LARGE1: variants seen among roughly 807,000 people sequenced by gnomAD.
LARGE1 encodes the protein LARGE xylosyl- and glucuronyltransferase 1, also known as xylosyl- and glucuronyltransferase LARGE1.
In LARGE1, 43 loss-of-function variants were observed where a neutral mutation model predicts 87.6. That is an observed-to-expected ratio of 0.49 (90% CI 0.38 to 0.63). The LOEUF (loss-of-function observed/expected upper bound fraction) is 0.63, where lower values mean the gene tolerates loss of function less well. Ranked by LOEUF, LARGE1 falls within the 30% of genes least tolerant of loss-of-function variation. LARGE1 has a pLI of 0.00. For synonymous variants in LARGE1, 434 were observed against 394.6 expected (o/e 1.10, Z -1.18); for missense variants, 802 against 1,000.2 (o/e 0.80, Z 2.67).
intron 1 of LARGE1, among the ~76,000 whole-genome samples, chr22:33,814,245 C>T (rs2086584601): frequency 6.6e-6 from 1 of 152,194 alleles, no homozygotes; most frequent in South Asian, 2.1e-4. Flanking sequence ...GACCTCGCCC[C>T]TGAAAATCTA....
intron 1 of LARGE1, among the ~76,000 whole-genome samples, chr22:33,782,610 C>T (rs1191480032): frequency 6.6e-6 from 1 of 151,930 alleles, no homozygotes; most frequent in Non-Finnish European, 1.5e-5. Flanking sequence ...CTCATGCATG[C>T]AATCCCAGCA....
At chr22:33,741,856 G>A (rs1416420572) in intron 2 of LARGE1, among the ~76,000 whole-genome samples, 1 of 152,136 alleles carries the variant, frequency 6.6e-6, no homozygotes, top group East Asian at 1.9e-4. Context: ...AACGTGAGTG[G>A]GTTCCATGCC....
intron 9 of LARGE1, among the ~76,000 whole-genome samples, chr22:33,373,169 C>G (rs11089623): frequency 0.41 from 62,375 of 151,938 alleles, 16,289 homozygotes; most frequent in African/African-American, 0.74. Flanking sequence ...AATTAGAAGG[C>G]AATTATTTAT....
At chr22:33,417,846 C>A (rs1181176210) in intron 7 of LARGE1, among the ~76,000 whole-genome samples, 1 of 152,216 alleles carries the variant, frequency 6.6e-6, no homozygotes, top group African/African-American at 2.4e-5. Context: ...CCTATTGTTT[C>A]CTCCATTTCA....
intron 5 of LARGE1, among the ~76,000 whole-genome samples, chr22:33,570,685 C>T (rs2078172027): frequency 6.8e-6 from 1 of 147,342 alleles, no homozygotes. Context: ...AAGCTGAAAT[C>T]TGGAAAATGC....
chr22:33,222,864 C>T (rs1236553213), intron 11 of LARGE1, among the ~76,000 whole-genome samples: 1 of 152,118 alleles, frequency 6.6e-6, no homozygotes, highest in Non-Finnish European at 1.5e-5. Context: ...AGAGGGGCCT[C>T]CATTTGAGTA....
At position 33,603,782 on chromosome 22, in the gene LARGE1, C is replaced by T. The variant is rs5999029; in HGVS notation, c.615+653G>A. Among the ~76,000 whole-genome samples the T allele has an allele frequency of 4.4e-3, 668 of 152,264 alleles. 7 individuals are homozygous for T. The highest frequency in any genetic ancestry group is 0.015 in the African/African-American group (624 of 41,560). On this transcript the variant is annotated intron_variant, in intron 5 of 14. Transcript: ENST00000397394. Reference sequence around the variant, plus strand: ...GCCAGAATATACAGGACTTCTTAATCGGGCTGTGGGTCTCAACACGATGCA... The same window carrying T: ...GCCAGAATATACAGGACTTCTTAATTGGGCTGTGGGTCTCAACACGATGCA...
chr22:33,242,784 G>A (rs1191471184), intron 11 of LARGE1, among the ~76,000 whole-genome samples: 1 of 152,138 alleles, frequency 6.6e-6, no homozygotes, highest in Non-Finnish European at 1.5e-5. Context: ...CACAGTTCTG[G>A]AGCCTCGAAG....
chr22:33,297,589 G>T (rs1223406976), intron 12 of LARGE1, among the ~76,000 whole-genome samples: 1 of 150,108 alleles, frequency 6.7e-6, no homozygotes, highest in African/African-American at 2.5e-5. Flanking sequence ...CTCCAGCCTG[G>T]GCGGCATAAG....
At chr22:33,590,701 A>T (rs900426498) in intron 5 of LARGE1, among the ~76,000 whole-genome samples, 3 of 152,188 alleles carry the variant, frequency 2.0e-5, no homozygotes, top group Non-Finnish European at 4.4e-5. Flanking sequence ...GCATTGCTGT[A>T]TGTGCCGTCA....
intron 1 of LARGE1, among the ~76,000 whole-genome samples, chr22:33,900,762 G>C (rs545102327): frequency 6.6e-6 from 1 of 152,282 alleles, no homozygotes; most frequent in South Asian, 2.1e-4. Context: ...AAAAGGGGAA[G>C]CTGGCTGGGC....
intron 3 of LARGE1, among the ~76,000 whole-genome samples, chr22:33,630,208 A>C (rs12159965): frequency 4.3e-4 from 65 of 151,912 alleles, no homozygotes; most frequent in African/African-American, 1.2e-3. Context: ...TCAAAAAAAA[A>C]CCCCAAAAAA....
intron 11 of LARGE1, among the ~76,000 whole-genome samples, chr22:33,267,123 C>G (rs1927994016): frequency 6.6e-6 from 1 of 151,578 alleles, no homozygotes; most frequent in Non-Finnish European, 1.5e-5. Flanking sequence ...GCCTGTAATC[C>G]CAGCTACTCA....
exon 12 of LARGE1, chr22:33,162,532 T>C (rs1020515006): frequency 1.3e-5 from 2 of 152,192 alleles, no homozygotes; most frequent in African/African-American, 4.8e-5. Context: ...AGCCAAACTA[T>C]ATCATCTTCC....
chr22:33,594,127 T>C (rs2078916543), intron 5 of LARGE1, among the ~76,000 whole-genome samples: 1 of 152,216 alleles, frequency 6.6e-6, no homozygotes, highest in Non-Finnish European at 1.5e-5. Flanking sequence ...TCAAATAATT[T>C]TCTAGGGTGT....
At chr22:33,618,490 AC>A (rs1445385186) in intron 4 of LARGE1, among the ~76,000 whole-genome samples, 1 of 152,232 alleles carries the variant, frequency 6.6e-6, no homozygotes. Context: ...GTGAAGCTTA[AC>A]ATCTGCACTA....
intron 6 of LARGE1, among the ~76,000 whole-genome samples, chr22:33,494,571 A>G (rs2070011473): frequency 6.6e-6 from 1 of 152,094 alleles, no homozygotes. Flanking sequence ...ATTCCTCACA[A>G]ATCTGTATAT....
chr22:33,535,344 G>T (rs762776835), intron 6 of LARGE1, among the ~76,000 whole-genome samples: 5 of 152,138 alleles, frequency 3.3e-5, no homozygotes, highest in African/African-American at 4.8e-5. Flanking sequence ...AGGAGTTTGA[G>T]ATCAGCCCGG....
At chr22:33,297,634 T>C (rs1225321543) in intron 12 of LARGE1, among the ~76,000 whole-genome samples, 2 of 138,040 alleles carry the variant, frequency 1.4e-5, no homozygotes, top group Non-Finnish European at 3.1e-5. Context: ...AAAAGAAGGG[T>C]TTGTCCCCAA....
Sources: gnomAD v4.1 joint callset for allele counts (sites outside exome capture counted in the v4.1 genomes callset) on GRCh38, gnomAD v4.1.1 for gene constraint, MANE v1.5 for transcripts, NCBI Gene and HGNC (gene_info 2026-07-23, HGNC 2026-07-21) for gene names.